Variants in SYT1 observed in about 807,000 individuals in gnomAD.
SYT1 encodes the protein synaptotagmin-1.
A neutral mutation model predicts 44.8 loss-of-function variants in SYT1; 8 were observed. The observed-to-expected ratio is 0.18, with a 90% CI of 0.10 to 0.32. The LOEUF (loss-of-function observed/expected upper bound fraction) is 0.32, where lower values mean the gene tolerates loss of function less well. Among genes scored for constraint, SYT1 ranks in the 10% least tolerant of loss-of-function variants. The probability of loss-of-function intolerance (pLI) is 1.00; values close to 1 mark genes in which losing one functional copy is unlikely to be tolerated. For missense variants in SYT1, 286 were observed against 509.3 expected (o/e 0.56, Z 4.22); for synonymous variants, 154 against 188.8 (o/e 0.82, Z 1.51).
intron 9 of SYT1, among the ~76,000 whole-genome samples, chr12:79,415,992 C>T (rs144385461): frequency 7.8e-4 from 119 of 152,326 alleles, no homozygotes; most frequent in African/African-American, 2.7e-3. Flanking sequence ...AAGCTGTTTA[C>T]ATTAGTAATC....
At chr12:79,255,846 T>G (rs563322901) in intron 4 of SYT1, among the ~76,000 whole-genome samples, 139 of 152,276 alleles carry the variant, frequency 9.1e-4, no homozygotes, top group South Asian at 6.0e-3. Context: ...TCACTGCTTG[T>G]GTATTGTAGT....
intron 2 of SYT1, among the ~76,000 whole-genome samples, chr12:79,001,780 C>A (rs1870757201): frequency 6.6e-6 from 1 of 152,110 alleles, no homozygotes; most frequent in Admixed American, 6.6e-5. Flanking sequence ...TTAAAATACT[C>A]TCTTGCTGAA....
intron 3 of SYT1, among the ~76,000 whole-genome samples, chr12:79,051,580 A>C (rs1874494396): frequency 6.6e-6 from 1 of 151,858 alleles, no homozygotes; most frequent in East Asian, 1.9e-4. Context: ...GTGAAAAAAC[A>C]ACTAGATAAT....
At chr12:79,271,252 T>C (rs1878407796) in intron 4 of SYT1, among the ~76,000 whole-genome samples, 1 of 152,226 alleles carries the variant, frequency 6.6e-6, no homozygotes, top group East Asian at 1.9e-4. Flanking sequence ...CAGGACTCCT[T>C]AAGTAAATAA....
At chr12:79,224,746 TA>T (rs1175174015) in intron 4 of SYT1, among the ~76,000 whole-genome samples, 313 of 12,378 alleles carry the variant, frequency 0.025, 1 homozygote, top group African/African-American at 0.098. Context: ...TTTATTTATT[TA>T]TTTTTTATTA....
intron 3 of SYT1, among the ~76,000 whole-genome samples, chr12:79,096,122 A>G (rs1449679975): frequency 6.6e-6 from 1 of 151,934 alleles, no homozygotes; most frequent in African/African-American, 2.4e-5. Context: ...AGAATAGATC[A>G]TAACCTGTAG....
intron 1 of SYT1, among the ~76,000 whole-genome samples, chr12:78,971,327 A>G (rs1470092553): frequency 3.9e-5 from 6 of 152,216 alleles, no homozygotes; most frequent in Non-Finnish European, 8.8e-5. Context: ...ACAAAAGATA[A>G]AAGAAATACA....
chr12:79,182,411 G>A (rs1332276664), intron 3 of SYT1, among the ~76,000 whole-genome samples: 1 of 151,884 alleles, frequency 6.6e-6, no homozygotes, highest in Non-Finnish European at 1.5e-5. Context: ...AGCATTTCCT[G>A]AAACATCTTC....
chr12:79,413,251 A>T (rs78041018), intron 9 of SYT1, among the ~76,000 whole-genome samples: 3 of 152,294 alleles, frequency 2.0e-5, no homozygotes, highest in Non-Finnish European at 4.4e-5. Context: ...AGTTTGAAGG[A>T]CACTGCTTCA....
At chr12:79,208,326 T>G in intron 3 of SYT1, among the ~76,000 whole-genome samples, 1 of 152,192 alleles carries the variant, frequency 6.6e-6, no homozygotes, top group East Asian at 1.9e-4. Context: ...TGTGAATTGA[T>G]GTCTTATTCT....
At chr12:79,039,744 G>T (rs1873400845) in intron 2 of SYT1, among the ~76,000 whole-genome samples, 1 of 149,774 alleles carries the variant, frequency 6.7e-6, no homozygotes. Flanking sequence ...CTAGCATTAG[G>T]TATATCTCCC....
chr12:79,329,192 G>A (rs1435445504), intron 8 of SYT1, among the ~76,000 whole-genome samples: 1 of 152,132 alleles, frequency 6.6e-6, no homozygotes, highest in Non-Finnish European at 1.5e-5. Context: ...GGGTGAGGAG[G>A]CCGTAAGCAA....
At chr12:79,015,614 C>G (rs1278624047) in intron 2 of SYT1, among the ~76,000 whole-genome samples, 1 of 152,108 alleles carries the variant, frequency 6.6e-6, no homozygotes, top group East Asian at 1.9e-4. Context: ...CAGAATATTT[C>G]GGTCTAATGG....
intron 1 of SYT1, among the ~76,000 whole-genome samples, chr12:78,900,107 G>A (rs1283243605): frequency 1.3e-5 from 2 of 152,026 alleles, no homozygotes; most frequent in Non-Finnish European, 2.9e-5. Context: ...ATGTGTAAGT[G>A]GTGACTAAGA....
intron 3 of SYT1, among the ~76,000 whole-genome samples, chr12:79,200,129 A>G (rs1873693947): frequency 6.6e-6 from 1 of 152,182 alleles, no homozygotes; most frequent in African/African-American, 2.4e-5. Flanking sequence ...TGAAGGACAT[A>G]AAATTCTGTG....
intron 9 of SYT1, 89 bp downstream of exon 9, chr12:79,353,708 C>G: frequency 1.1e-6 from 1 of 893,390 alleles, no homozygotes; most frequent in Non-Finnish European, 1.9e-6. Flanking sequence ...CTCCCCACTT[C>G]TTAATTGATC....
chr12:79,236,130 A>C (rs570465939), intron 4 of SYT1, among the ~76,000 whole-genome samples: 6 of 152,268 alleles, frequency 3.9e-5, no homozygotes, highest in African/African-American at 1.4e-4. Flanking sequence ...GTCTCTTAGG[A>C]GGTGTTCCCA....
At chr12:79,132,530 C>A (rs548478459) in intron 3 of SYT1, among the ~76,000 whole-genome samples, 1 of 151,218 alleles carries the variant, frequency 6.6e-6, no homozygotes, top group Non-Finnish European at 1.5e-5. Flanking sequence ...AAGTAAAAGC[C>A]GCAATAAAAT....
At chr12:79,268,616 T>C (rs914067465) in intron 4 of SYT1, among the ~76,000 whole-genome samples, 9 of 152,228 alleles carry the variant, frequency 5.9e-5, no homozygotes, top group Admixed American at 4.6e-4. Context: ...GTCAATGGCT[T>C]GGAGCATTTT....
Sources: gnomAD v4.1 joint callset for allele counts (sites outside exome capture counted in the v4.1 genomes callset) on GRCh38, gnomAD v4.1.1 for gene constraint, MANE v1.5 for transcripts, NCBI Gene and HGNC (gene_info 2026-07-23, HGNC 2026-07-21) for gene names.